The following PRG4 variants were observed in gnomAD, a reference collection of about 807,000 sequenced individuals.
The protein encoded by PRG4 is articular superficial zone protein.
In PRG4, 61 loss-of-function variants were observed where a neutral mutation model predicts 91.2. The observed-to-expected ratio is 0.67, with a 90% CI of 0.54 to 0.83. PRG4 has a LOEUF of 0.83. Among genes scored for constraint, PRG4 ranks in the 40% least tolerant of loss-of-function variants. The pLI is 0.00. For synonymous variants in PRG4, 576 were observed against 614.2 expected (o/e 0.94, Z 0.92); for missense variants, 1,564 against 1,714.2 (o/e 0.91, Z 1.55).
intron 2 of PRG4, 67 bp from the exon 3 acceptor site, chr1:186,300,024 C>T (rs1656096460): frequency 1.9e-6 from 3 of 1,580,462 alleles, no homozygotes; most frequent in African/African-American, 1.3e-5. Flanking sequence ...CTTTGTCCCC[C>T]TCGTTAGATT....
rs570103584 is a variant in PRG4, at chr1:186,304,694, T to C, written c.470-100T>C. The C allele has an allele frequency of 2.8e-6, 4 of 1,436,368 alleles. No individual in the cohort carries two copies. The South Asian group carries it at 4.9e-5, about 17-fold the overall frequency. 89.0% of individuals were successfully genotyped at this position (1,436,368 alleles called of 1,614,324 possible). On this transcript the variant is annotated intron_variant, in intron 5 of 12. Transcript: ENST00000445192. Reference sequence around the variant, plus strand: ...CTAATAAAAGCAAAATCCAGATACTTGTAGACTAGTAAATAGCACTTCTTG... The same window carrying C: ...CTAATAAAAGCAAAATCCAGATACTCGTAGACTAGTAAATAGCACTTCTTG...
intron 2 of PRG4, among the ~76,000 whole-genome samples, chr1:186,298,539 G>A (rs1655997554): frequency 6.6e-6 from 1 of 150,442 alleles, no homozygotes; most frequent in African/African-American, 2.4e-5. Context: ...CTCCCAGTCT[G>A]GAGTGCAGTG....
rs1657377869 is a variant in PRG4 at position 186,312,842 on chromosome 1, A to G, written c.4065A>G (p.Ser1355=). The G allele has an allele frequency of 1.9e-6, 3 of 1,612,178 alleles. No individual in the cohort carries two copies. Among genetic ancestry groups the G allele is most frequent in the Admixed American group, 3.3e-5 (2 of 60,002 alleles). The change falls in exon 12 of 13, where the codon TCA becomes TCG. Residue 1355 remains serine (S), a synonymous_variant. Transcript: ENST00000445192. ...CAAATGTGGTTACCTCAGCTATATCACTGCCCAACATCAGAAAACCTGACG... is the reference window on the plus strand; with the variant it reads ...CAAATGTGGTTACCTCAGCTATATCGCTGCCCAACATCAGAAAACCTGACG... ...GLPNVVTSAI[S]LPNIRKPDGY... is the part of the protein sequence containing the mutation.
chr1:186,306,665 A>G lies in PRG4; in HGVS notation c.946A>G (p.Thr316Ala). ...TAAAGAGACACAAAGTATAGAGAAA[A>G]CATCTGCTAAAGATTTAGCACCCAC... ...SAKETQSIEK[T>A]SAKDLAPTSK... The change falls in exon 7 of 13, where the codon ACA becomes GCA. Residue 316 changes from threonine to alanine, a missense_variant. Physicochemically the swap from Thr to Ala is moderately conservative, Grantham distance 58 (BLOSUM62 0). This residue lies in a region of PRG4 where 437 missense variants were observed against 459.0 expected (regional missense o/e 0.95). Transcript: ENST00000445192. 6.2e-7 allele frequency: 1 copy of G among 1,613,726 alleles called. No individual in the cohort carries two copies. The highest frequency in any genetic ancestry group is 8.5e-7 in the Non-Finnish European group (1 of 1,179,772).
In PRG4 at chr1:186,307,725, C is replaced by T. The variant is rs1376169591; in HGVS notation, c.2006C>T (p.Pro669Leu). 1 of 1,611,918 alleles carries T rather than the reference C, an allele frequency of 6.2e-7. No homozygotes were observed. Among genetic ancestry groups the T allele is most frequent in the African/African-American group, 1.3e-5 (1 of 74,492 alleles). ...TTPEEPAPTT[P>L]KAAAPNTPKE... ...CCTGAGGAGCCTGCTCCCACCACTCCCAAGGCAGCGGCTCCCAACACCCCT... is the reference window on the plus strand; with the variant it reads ...CCTGAGGAGCCTGCTCCCACCACTCTCAAGGCAGCGGCTCCCAACACCCCT... The change falls in exon 7 of 13, where the codon CCC becomes CTC. Residue 669 changes from proline (P) to leucine (L), a missense_variant. Physicochemically the swap from Pro to Leu is moderately conservative, Grantham distance 98. Around this residue, in one of 3 missense-constraint regions of PRG4, gnomAD observed 1,079 missense variants for 1,162.2 expected, o/e 0.93. Transcript: ENST00000445192.
chr1:186,298,318 G>T (rs983511015), intron 2 of PRG4, among the ~76,000 whole-genome samples: 7 of 152,234 alleles, frequency 4.6e-5, no homozygotes, highest in African/African-American at 1.7e-4. Flanking sequence ...GGAGGTGGAG[G>T]TTGCATTAAG....
intron 2 of PRG4, among the ~76,000 whole-genome samples, chr1:186,297,653 A>G (rs1655945060): frequency 6.6e-6 from 1 of 152,226 alleles, no homozygotes; most frequent in Non-Finnish European, 1.5e-5. Flanking sequence ...AGGGGGATTA[A>G]TAGTAACAAT....
chr1:186,312,555 G>C (rs937590981), intron 11 of PRG4, 183 bp downstream of exon 11: 2 of 804,476 alleles, frequency 2.5e-6, no homozygotes, highest in African/African-American at 1.7e-5. Context: ...CTTTTTCCTT[G>C]TGGGTAAGTA....
At chr1:186,299,009 G>A (rs1474951613) in intron 2 of PRG4, among the ~76,000 whole-genome samples, 2 of 152,024 alleles carry the variant, frequency 1.3e-5, no homozygotes, top group Non-Finnish European at 2.9e-5. Context: ...GGCATTCCTG[G>A]ACTCTATTCT....
intron 11 of PRG4, 112 bp from the exon 12 acceptor site, chr1:186,312,657 T>C (rs1365190761): frequency 8.7e-7 from 1 of 1,142,930 alleles, no homozygotes; most frequent in Non-Finnish European, 1.3e-6. Flanking sequence ...TAACCCTCAA[T>C]AGTTCTACAT....
chr1:186,300,042 T>C (rs755534305), intron 2 of PRG4, 49 bp from the exon 3 acceptor site: 1 of 1,604,944 alleles, frequency 6.2e-7, no homozygotes, highest in South Asian at 1.1e-5. Flanking sequence ...ATTGCTCCCT[T>C]TCTATAAAGT....
At chr1:186,310,835 C>G (rs1189413083) in intron 8 of PRG4, among the ~76,000 whole-genome samples, 199 bp from the exon 9 acceptor site, 1 of 152,064 alleles carries the variant, frequency 6.6e-6, no homozygotes, top group East Asian at 1.9e-4. Flanking sequence ...AACTAGAAAA[C>G]TAAAGTATCT....
intron 12 of PRG4, 105 bp downstream of exon 12, chr1:186,312,999 C>T (rs994410258): frequency 2.2e-5 from 27 of 1,202,808 alleles, no homozygotes; most frequent in South Asian, 6.1e-5. Context: ...TGAGAAGTTA[C>T]ACTACGGTAC....
At chr1:186,312,520 G>C in intron 11 of PRG4, 148 bp downstream of exon 11, 1 of 869,010 alleles carries the variant, frequency 1.2e-6, no homozygotes, top group Non-Finnish European at 1.7e-6. Flanking sequence ...ACTTGCCTTA[G>C]TGAATAACCA....
Position 186,306,752 on chromosome 1 carries a change from A to G in PRG4, c.1033A>G (p.Thr345Ala). ...AETTTKGPAL[T>A]TPKEPTPTTP... ...AACTACAACCAAAGGCCCTGCTCTC[A>G]CCACTCCCAAGGAGCCCACGCCCAC... The change falls in exon 7 of 13, where the codon ACC becomes GCC. Residue 345 changes from threonine to alanine, a missense_variant. Physicochemically the swap from Thr to Ala is moderately conservative, Grantham distance 58. Around this residue, in one of 3 missense-constraint regions of PRG4, gnomAD observed 437 missense variants for 459.0 expected, o/e 0.95. Coordinates refer to ENST00000445192, the MANE Select transcript of PRG4 (RefSeq NM_005807.6). The G allele has an allele frequency of 6.2e-7, 1 of 1,613,462 alleles. No homozygotes were observed. The highest frequency in any genetic ancestry group is 8.5e-7 in the Non-Finnish European group (1 of 1,179,698).
At chr1:186,297,761 A>T (rs773669997) in intron 2 of PRG4, among the ~76,000 whole-genome samples, 7 of 152,226 alleles carry the variant, frequency 4.6e-5, no homozygotes, top group Non-Finnish European at 1.0e-4. Flanking sequence ...GACAGTTATG[A>T]TGAAATTATG....
In PRG4 at chr1:186,310,657, A is replaced by ATTTTTT. The variant is rs746583527; in HGVS notation, c.3500-373_3500-368dup. 1.1e-3 allele frequency among the ~76,000 whole-genome samples: 146 copies of ATTTTTT among 135,884 alleles called. 8 individuals carry two copies. The highest frequency in any genetic ancestry group is 3.4e-3 in the African/African-American group (118 of 34,204). The allele number at this position is 135,884 out of a possible 152,430, so 89.1% of individuals were successfully genotyped here. On this transcript the variant is annotated intron_variant, in intron 8 of 12. Transcript: ENST00000445192. ...ACCACCATGCCTGGCTAATTTTTGT[A>ATTTTTT]TTTTTTTTTGTATTTTTTTTTTTTT...
chr1:186,304,211 CAAG>C lies in PRG4; in HGVS notation c.431_433del (p.Lys144del), dbSNP rs767061113. The C allele has an allele frequency of 2.1e-5, 34 of 1,613,566 alleles. No homozygotes were observed. The Admixed American group carries it at 2.2e-4, about 10-fold the overall frequency. ...CCAAACGTTCACCCAAACCACCAAACAAGAAGAAGACTAAGAAAGTTATAGAAT... is the reference window on the plus strand; with the variant it reads ...CCAAACGTTCACCCAAACCACCAAACAAGAAGACTAAGAAAGTTATAGAAT... On this transcript the variant is annotated inframe_deletion, in exon 5 of 13. Transcript: ENST00000445192.
At chr1:186,311,849 G>A (rs1299293235) in intron 10 of PRG4, 1 of 571,326 alleles carries the variant, frequency 1.8e-6, no homozygotes, top group Non-Finnish European at 3.1e-6. Flanking sequence ...CTTCACAAAT[G>A]TGCATGTCAT....
Sources: gnomAD v4.1 joint callset for allele counts (sites outside exome capture counted in the v4.1 genomes callset) on GRCh38, gnomAD v4.1.1 for gene constraint, gnomAD v4.1.1 regional missense constraint, MANE v1.5 for transcripts, NCBI Gene and HGNC (gene_info 2026-07-23, HGNC 2026-07-21) for gene names.